The following SOD1 variants were observed in gnomAD, a reference collection of about 807,000 sequenced individuals.
SOD1 encodes the protein superoxide dismutase 1.
In SOD1, 8 loss-of-function variants were observed where a neutral mutation model predicts 15.9. The observed-to-expected ratio is 0.50, with a 90% CI of 0.30 to 0.91. SOD1 has a LOEUF of 0.91. SOD1 is among the 40% of genes least tolerant of loss of function. The pLI is 0.07. For missense variants in SOD1, 137 were observed against 194.5 expected (o/e 0.70, Z 1.76); for synonymous variants, 86 against 71.2 (o/e 1.21, Z -1.04).
intron 2 of SOD1, among the ~76,000 whole-genome samples, chr21:31,665,255 G>C (rs1175606489): frequency 6.6e-6 from 1 of 152,112 alleles, no homozygotes. Flanking sequence ...TTCTTAATTT[G>C]GGATTGGAAG....
At chr21:31,665,176 T>A (rs980311871) in intron 2 of SOD1, among the ~76,000 whole-genome samples, 8 of 152,160 alleles carry the variant, frequency 5.3e-5, no homozygotes, top group African/African-American at 1.9e-4. Flanking sequence ...AAAATTTTTT[T>A]AAAGTATTTT....
chr21:31,666,863 G>C (rs754269930), intron 3 of SOD1: 1 of 390,458 alleles, frequency 2.6e-6, no homozygotes, highest in African/African-American at 2.0e-5. Flanking sequence ...AGCTTCTGTA[G>C]ATAAAAAAAA....
intron 2 of SOD1, among the ~76,000 whole-genome samples, chr21:31,665,585 G>A (rs1398512610): frequency 6.6e-6 from 1 of 152,156 alleles, no homozygotes; most frequent in Non-Finnish European, 1.5e-5. Flanking sequence ...TGTTATGAAA[G>A]GGCCTCCTGT....
At chr21:31,661,059 C>T (rs2049544618) in intron 1 of SOD1, among the ~76,000 whole-genome samples, 1 of 152,170 alleles carries the variant, frequency 6.6e-6, no homozygotes, top group Non-Finnish European at 1.5e-5. Context: ...GTCCCCAGAA[C>T]CTTAGTGAAG....
intron 2 of SOD1, 89 bp downstream of exon 2, chr21:31,663,975 CTTGTTT>C (rs2049571249): frequency 6.9e-6 from 7 of 1,015,098 alleles, no homozygotes; most frequent in African/African-American, 3.2e-5. Flanking sequence ...AACCCCTCAA[CTTGTTT>C]TTGTTTTTGA....
chr21:31,663,758 A>C (rs983947599), intron 1 of SOD1, 32 bp from the exon 2 acceptor site: 33 of 1,515,826 alleles, frequency 2.2e-5, no homozygotes, highest in Non-Finnish European at 3.0e-5. Flanking sequence ...CTTTGTTCAG[A>C]AACTCTCTCC....
Position 31,665,752 on chromosome 21 carries a change from A to G in SOD1, c.170-697A>G, listed in dbSNP as rs181894348. On this transcript the variant is annotated intron_variant, in intron 2 of 4. Transcript: ENST00000270142. ...TTGAATATTCTGCCTGCACCAAGTA[A>G]AGGGCACAGATAGAACTGCTTGGCA... Among the ~76,000 whole-genome samples the G allele has an allele frequency of 2.7e-3, 404 of 152,294 alleles. 1 individual carries two copies. The highest frequency in any genetic ancestry group is 9.1e-3 in the African/African-American group (378 of 41,550).
At chr21:31,660,971 A>G (rs1357485707) in intron 1 of SOD1, among the ~76,000 whole-genome samples, 1 of 152,220 alleles carries the variant, frequency 6.6e-6, no homozygotes, top group African/African-American at 2.4e-5. Context: ...ACTCTTGTAA[A>G]ATATACAGAA....
At chr21:31,662,673 C>G (rs1204981536) in intron 1 of SOD1, among the ~76,000 whole-genome samples, 1 of 152,132 alleles carries the variant, frequency 6.6e-6, no homozygotes, top group Non-Finnish European at 1.5e-5. Flanking sequence ...TAGAATCAGT[C>G]CTCTCCTGGG....
rs121912441 is a variant in SOD1 at position 31,667,359 on chromosome 21, T to C, written c.341T>C (p.Ile114Thr). 2.1e-5 allele frequency: 34 copies of C among 1,611,670 alleles called. No individual in the cohort carries two copies. Among genetic ancestry groups the C allele is most frequent in the Non-Finnish European group, 2.5e-5 (30 of 1,177,824 alleles). ...VISLSGDHCI[I>T]GRTLVVHEKA... ...TCACTCTCAGGAGACCATTGCATCATTGGCCGCACACTGGTGGTAAGTTTT... is the reference window on the plus strand; with the variant it reads ...TCACTCTCAGGAGACCATTGCATCACTGGCCGCACACTGGTGGTAAGTTTT... Residue 114 changes from isoleucine (I) to threonine (T), a missense_variant, in exon 4 of 5, where the codon ATT (isoleucine) becomes ACT (threonine). By Grantham distance (89) the Ile-to-Thr change is moderately conservative (BLOSUM62 -1). Transcript: ENST00000270142.
At position 31,668,776 on chromosome 21, in the gene SOD1, G is replaced by A. The variant is rs2049623017; in HGVS notation, c.*198G>A. ...GATTTGTATAGTTTTATAAAACTCA[G>A]TTAAAATGTCTGTTTCAATGACCTG... is the stretch of plus-strand genomic sequence containing the variant. On this transcript the variant is annotated 3_prime_UTR_variant, in exon 5 of 5. Coordinates refer to ENST00000270142, the MANE Select transcript of SOD1 (RefSeq NM_000454.5). 1 of 571,318 alleles carries A rather than the reference G, an allele frequency of 1.8e-6. No individual in the cohort carries two copies. Among genetic ancestry groups the A allele is most frequent in the East Asian group, 3.0e-5 (1 of 32,820 alleles). The allele number at this position is 571,318 out of a possible 1,614,324, so 35.4% of individuals were successfully genotyped here.
rs2049574310 is a variant in SOD1, at chr21:31,664,269, G to A, written c.169+383G>A. ...ATTACATGTGTGAGCCACTGTGCCT[G>A]GGAAAACCCTCAACTTTTCTTTTAA... On this transcript the variant is annotated intron_variant, in intron 2 of 4. Transcript: ENST00000270142. The A allele has an allele frequency of 2.2e-5, 6 of 272,914 alleles. No homozygotes were observed. In the South Asian group the frequency reaches 2.6e-4, roughly 12 times the overall value. The allele number at this position is 272,914 out of a possible 1,614,324, so 16.9% of individuals were successfully genotyped here. A position where few individuals can be genotyped will look rare whatever the true frequency, so the allele number is the denominator to read the frequency against.
rs562601052 is a variant in SOD1, at chr21:31,659,730, C to T, written c.-40C>T. 8.7e-6 allele frequency: 14 copies of T among 1,607,306 alleles called. No homozygotes were observed. The highest frequency in any genetic ancestry group is 1.7e-4 in the Middle Eastern group (1 of 6,048). ...CCTGCAGCGTCTGGGGTTTCCGTTG[C>T]AGTCCTCGGAACCAGGACCTCGGCG... is the stretch of plus-strand genomic sequence containing the variant. On this transcript the variant is annotated 5_prime_UTR_variant, in exon 1 of 5. Coordinates refer to ENST00000270142, the MANE Select transcript of SOD1 (RefSeq NM_000454.5).
intron 1 of SOD1, chr21:31,660,434 C>G (rs1480122691): frequency 1.3e-5 from 2 of 152,320 alleles, no homozygotes; most frequent in African/African-American, 4.8e-5. Flanking sequence ...CAAAAATACG[C>G]AACAGAGACC....
chr21:31,667,487 A>C (rs903040501), intron 4 of SOD1, 112 bp downstream of exon 4: 1 of 845,364 alleles, frequency 1.2e-6, no homozygotes, highest in Non-Finnish European at 2.1e-6. Flanking sequence ...CTGTACTTGC[A>C]GTTCAAATTA....
At chr21:31,662,730 G>A (rs1376062163) in intron 1 of SOD1, among the ~76,000 whole-genome samples, 2 of 152,172 alleles carry the variant, frequency 1.3e-5, no homozygotes, top group Non-Finnish European at 2.9e-5. Context: ...AAATACCTGT[G>A]ATAGCCGGGC....
chr21:31,667,856 TAGAC>T (rs2049610343), intron 4 of SOD1, among the ~76,000 whole-genome samples: 2 of 152,214 alleles, frequency 1.3e-5, no homozygotes, highest in South Asian at 4.1e-4. Context: ...AAACACCAAG[TAGAC>T]AGGCTCTCTT....
At chr21:31,665,365 A>G (rs569558836) in intron 2 of SOD1, among the ~76,000 whole-genome samples, 3 of 152,264 alleles carry the variant, frequency 2.0e-5, no homozygotes, top group Non-Finnish European at 4.4e-5. Context: ...TTCTTAAATT[A>G]ACTTTATTCA....
intron 3 of SOD1, 54 bp downstream of exon 3, chr21:31,666,572 T>G: frequency 8.0e-7 from 1 of 1,247,250 alleles, no homozygotes; most frequent in South Asian, 1.2e-5. Context: ...GGAGTTCATA[T>G]GGTATACTAC....
Sources: gnomAD v4.1 joint callset for allele counts (sites outside exome capture counted in the v4.1 genomes callset) on GRCh38, gnomAD v4.1.1 for gene constraint, MANE v1.5 for transcripts, NCBI Gene and HGNC (gene_info 2026-07-23, HGNC 2026-07-21) for gene names.